The following PDS5A variants were observed in gnomAD, a reference collection of about 807,000 sequenced individuals.
PDS5A encodes sister chromatid cohesion protein PDS5 homolog A.
In PDS5A, 42 loss-of-function variants were observed where a neutral mutation model predicts 167.1. That is an observed-to-expected ratio of 0.25 (90% CI 0.20 to 0.33). The LOEUF (loss-of-function observed/expected upper bound fraction) is 0.33, where lower values mean the gene tolerates loss of function less well. Among genes scored for constraint, PDS5A ranks in the 10% least tolerant of loss-of-function variants. PDS5A has a pLI of 1.00. For missense variants in PDS5A, 1,033 were observed against 1,605.9 expected, an observed-to-expected ratio of 0.64 and a Z score of 6.10; for synonymous variants, 553 against 554.6, an observed-to-expected ratio of 1.00 and a Z score of 0.04.
chr4:39,881,195 CCATT>C (rs1720898009), intron 17 of PDS5A, among the ~76,000 whole-genome samples: 1 of 151,938 alleles, frequency 6.6e-6, no homozygotes, highest in Non-Finnish European at 1.5e-5. Context: ...TTTTCTTTAC[CCATT>C]CATTCCTTGG....
intron 30 of PDS5A, 56 bp downstream of exon 30, chr4:39,844,599 TA>T: frequency 7.2e-7 from 1 of 1,392,836 alleles, no homozygotes; most frequent in Non-Finnish European, 9.9e-7. Flanking sequence ...ACTTTAGGAA[TA>T]AAAGATAAAC....
intron 26 of PDS5A, among the ~76,000 whole-genome samples, chr4:39,851,052 TC>T (rs1003994911): frequency 6.6e-6 from 1 of 152,234 alleles, no homozygotes; most frequent in African/African-American, 2.4e-5. Context: ...GTTGGTTGTT[TC>T]AATAATATTT....
At chr4:39,893,411 A>G (rs1722137721) in intron 16 of PDS5A, among the ~76,000 whole-genome samples, 1 of 152,208 alleles carries the variant, frequency 6.6e-6, no homozygotes, top group Admixed American at 6.5e-5. Flanking sequence ...AACTTGGACA[A>G]AGAGGGAAGA....
chr4:39,855,287 G>A (rs974862079), intron 26 of PDS5A, among the ~76,000 whole-genome samples: 1 of 152,158 alleles, frequency 6.6e-6, no homozygotes, highest in Non-Finnish European at 1.5e-5. Context: ...CACAAAACAA[G>A]GAATACAGAC....
intron 32 of PDS5A, chr4:39,837,605 A>G: frequency 4.9e-6 from 2 of 411,736 alleles, no homozygotes; most frequent in Non-Finnish European, 4.3e-6. Context: ...TCTTGTTAAT[A>G]AAAATAGAAA....
intron 17 of PDS5A, among the ~76,000 whole-genome samples, chr4:39,883,940 CT>C (rs58050331): frequency 9.4e-4 from 135 of 143,240 alleles, no homozygotes; most frequent in African/African-American, 1.1e-3. Flanking sequence ...TTCTCCTTTG[CT>C]TTTTTTTTTT....
At position 39,940,024 on chromosome 4, in the gene PDS5A, G is replaced by A. The variant is rs149186567; in HGVS notation, c.139-11860C>T. Among the ~76,000 whole-genome samples, 23 of 152,196 alleles carry A rather than the reference G, an allele frequency of 1.5e-4. No homozygotes were observed. The East Asian group carries it at 1.9e-3, about 13-fold the overall frequency. On this transcript the variant is annotated intron_variant, in intron 2 of 32. Transcript: ENST00000303538. ...TGCAATCCCAGCACTTTGGGAGGCC[G>A]AGGCAGGAGAATCACTTGAAGTCAG...
At chr4:39,881,123 A>C (rs1301235632) in intron 17 of PDS5A, among the ~76,000 whole-genome samples, 1 of 152,120 alleles carries the variant, frequency 6.6e-6, no homozygotes, top group African/African-American at 2.4e-5. Context: ...TATTGCTGCA[A>C]ATGACAGCAT....
chr4:39,824,309 G>C lies in PDS5A; in HGVS notation c.*1176C>G, dbSNP rs1715087010. On this transcript the variant is annotated 3_prime_UTR_variant, in exon 33 of 33. Coordinates refer to ENST00000303538, the MANE Select transcript of PDS5A (RefSeq NM_001100399.2). Reference sequence around the variant, plus strand: ...AAGCATATGATAAAAAGATTAAAAAGACTGCCATGACATCTAGAAGCATTT... The same window carrying C: ...AAGCATATGATAAAAAGATTAAAAACACTGCCATGACATCTAGAAGCATTT... 1 of 152,092 alleles carries C rather than the reference G, an allele frequency of 6.6e-6. No individual in the cohort carries two copies. Among genetic ancestry groups the C allele is most frequent in the African/African-American group, 2.4e-5 (1 of 41,422 alleles). The allele number at this position is 152,092 out of a possible 1,614,324, so 9.4% of individuals were successfully genotyped here.
intron 2 of PDS5A, among the ~76,000 whole-genome samples, chr4:39,975,568 T>C (rs998489196): frequency 6.6e-6 from 1 of 152,188 alleles, no homozygotes; most frequent in Non-Finnish European, 1.5e-5. Flanking sequence ...TAGCCCTACC[T>C]GAAGATTTCA....
chr4:39,970,171 C>T (rs1159162704), intron 2 of PDS5A, among the ~76,000 whole-genome samples: 1 of 151,854 alleles, frequency 6.6e-6, no homozygotes, highest in African/African-American at 2.4e-5. Context: ...ACCTTAAAGG[C>T]TTCCCTTAAG....
rs1013645308 is a variant in PDS5A, at chr4:39,977,605, G to A, written c.-189C>T. The stretch of plus-strand genomic sequence containing the variant: ...GCCCGCCCGCCCGGGAGCGGCGCTG[G>A]GGCTGGCGGTGCCGAGGAGGAGCAG... On this transcript the variant is annotated 5_prime_UTR_variant, in exon 1 of 33. Transcript: ENST00000303538. This position sits in a 1 kb window ranked among gnomAD's most constrained non-coding sequence, Gnocchi z 4.2. 5 of 157,894 alleles carry A rather than the reference G, an allele frequency of 3.2e-5. No homozygotes were observed. Among genetic ancestry groups the A allele is most frequent in the Non-Finnish European group, 6.8e-5 (5 of 73,234 alleles). 9.8% of individuals were successfully genotyped at this position (157,894 alleles called of 1,614,324 possible).
At chr4:39,973,759 A>C in intron 2 of PDS5A, 6 of 1,302,852 alleles carry the variant, frequency 4.6e-6, no homozygotes, top group Non-Finnish European at 6.7e-6. Context: ...AGCTGTGCCC[A>C]ACCATGTAAT....
In PDS5A at chr4:39,836,088, G is replaced by T. The variant is rs377003363; in HGVS notation, c.4010+1768C>A. Reference sequence around the variant, plus strand: ...ACAATAACAGTTGGGCGTTTATTTTGTACTAGGCACTTTGCTAGGCGCTTT... The same window carrying T: ...ACAATAACAGTTGGGCGTTTATTTTTTACTAGGCACTTTGCTAGGCGCTTT... On this transcript the variant is annotated intron_variant, in intron 32 of 32. Coordinates refer to ENST00000303538, the MANE Select transcript of PDS5A (RefSeq NM_001100399.2). Among the ~76,000 whole-genome samples the T allele has an allele frequency of 2.8e-4, 43 of 152,298 alleles. No homozygotes were observed. In the East Asian group the frequency reaches 3.9e-3, roughly 14 times the overall value.
At chr4:39,901,422 C>G (rs1722881037) in intron 13 of PDS5A, among the ~76,000 whole-genome samples, 1 of 152,050 alleles carries the variant, frequency 6.6e-6, no homozygotes, top group African/African-American at 2.4e-5. Flanking sequence ...CGTGCACCAC[C>G]ATGCCCAACT....
At chr4:39,955,507 G>T (rs1728839394) in intron 2 of PDS5A, among the ~76,000 whole-genome samples, 1 of 152,024 alleles carries the variant, frequency 6.6e-6, no homozygotes, top group South Asian at 2.1e-4. Flanking sequence ...GGCTGAGGTG[G>T]GAGAACTGCT....
At chr4:39,840,022 A>G (rs1716832124) in intron 31 of PDS5A, among the ~76,000 whole-genome samples, 1 of 152,060 alleles carries the variant, frequency 6.6e-6, no homozygotes, top group African/African-American at 2.4e-5. Context: ...TGAACCCAGG[A>G]GGCAGAGGTT....
At chr4:39,922,784 G>A (rs781448398) in intron 5 of PDS5A, 36 bp from the exon 6 acceptor site, 2 of 1,381,524 alleles carry the variant, frequency 1.4e-6, no homozygotes, top group Non-Finnish European at 1.9e-6. Context: ...AGTAGTAGGA[G>A]GAGGAAAAGA....
At chr4:39,844,604 G>A in intron 30 of PDS5A, 52 bp downstream of exon 30, 1 of 1,459,284 alleles carries the variant, frequency 6.9e-7, no homozygotes. Context: ...AGGAATAAAA[G>A]ATAAACCAAG....
Sources: allele counts gnomAD v4.1 joint callset (sites outside exome capture counted in the v4.1 genomes callset), GRCh38; gene constraint gnomAD v4.1.1; non-coding constraint Gnocchi (gnomAD v3.1); transcripts MANE v1.5; gene names NCBI Gene and HGNC (gene_info 2026-07-23, HGNC 2026-07-21).